ZBTB44: variants seen among roughly 807,000 people sequenced by gnomAD.
ZBTB44 encodes zinc finger and BTB domain-containing protein 44.
Under a neutral mutation model 54.0 loss-of-function variants are expected in ZBTB44, and 15 were observed. The observed-to-expected ratio is 0.28, with a 90% CI of 0.19 to 0.43. The LOEUF is 0.43. Ranked by LOEUF, ZBTB44 falls within the 20% of genes least tolerant of loss-of-function variation. The pLI is 1.00. For missense variants in ZBTB44, 487 were observed against 707.1 expected (o/e 0.69, Z 3.53); for synonymous variants, 230 against 250.1 (o/e 0.92, Z 0.76).
intron 1 of ZBTB44, among the ~76,000 whole-genome samples, chr11:130,313,936 GTT>G (rs1491213857): frequency 2.0e-4 from 18 of 91,230 alleles, no homozygotes; most frequent in African/African-American, 5.3e-4. Flanking sequence ...GTGTGTGTGT[GTT>G]TGTGTGTGTG....
intron 5 of ZBTB44, chr11:130,236,253 A>AT: frequency 7.8e-7 from 1 of 1,275,618 alleles, no homozygotes; most frequent in South Asian, 1.3e-5. Context: ...ATAAATTAAT[A>AT]TTACAAGAAT....
chr11:130,267,880 T>C (rs1296893423), intron 1 of ZBTB44, among the ~76,000 whole-genome samples: 2 of 150,442 alleles, frequency 1.3e-5, no homozygotes, highest in African/African-American at 2.5e-5. Flanking sequence ...GAGACCAACC[T>C]GGACAACATG....
At chr11:130,257,474 C>A (rs1342186050) in intron 2 of ZBTB44, among the ~76,000 whole-genome samples, 1 of 152,010 alleles carries the variant, frequency 6.6e-6, no homozygotes, top group African/African-American at 2.4e-5. Flanking sequence ...TATACTAAAG[C>A]ACAATATCAT....
intron 1 of ZBTB44, among the ~76,000 whole-genome samples, chr11:130,282,978 C>G (rs1441371299): frequency 6.6e-6 from 1 of 151,358 alleles, no homozygotes; most frequent in African/African-American, 2.4e-5. Flanking sequence ...GTGACTAGCT[C>G]CAATATTTTT....
At chr11:130,309,199 G>A (rs1942445485) in intron 1 of ZBTB44, among the ~76,000 whole-genome samples, 1 of 152,208 alleles carries the variant, frequency 6.6e-6, no homozygotes, top group African/African-American at 2.4e-5. Flanking sequence ...TCTGCCCGTT[G>A]CACCCTTGCA....
At chr11:130,278,230 T>C (rs1013706650) in intron 1 of ZBTB44, among the ~76,000 whole-genome samples, 1 of 152,208 alleles carries the variant, frequency 6.6e-6, no homozygotes, top group Non-Finnish European at 1.5e-5. Context: ...TAGCTTAAAG[T>C]GCTCAAAACA....
Position 130,234,205 on chromosome 11 carries a change from T to C in ZBTB44, c.1637A>G (p.Glu546Gly). Residue 546 changes from glutamate to glycine, a missense_variant, in exon 6 of 8, where the codon GAA becomes GGA. Glu to Gly is a moderately conservative substitution (Grantham distance 98). Around this residue, in one of 3 missense-constraint regions of ZBTB44, gnomAD observed 120 missense variants for 240.3 expected, o/e 0.50. Transcript: ENST00000357899. ...AGAGGAGTTGCTTTCAAAACCGTGT[T>C]CTCCAAGATCATATTGAACAAGGGT... ...EETLVQYDLG[E>G]HGFESNSSVQ... 3 of 1,522,078 alleles carry C rather than the reference T, an allele frequency of 2.0e-6. No homozygotes were observed. Among genetic ancestry groups the C allele is most frequent in the Non-Finnish European group, 1.8e-6 (2 of 1,135,528 alleles). The allele number at this position is 1,522,078 out of a possible 1,614,324, so 94.3% of individuals were successfully genotyped here.
intron 1 of ZBTB44, among the ~76,000 whole-genome samples, chr11:130,283,737 G>C (rs1165821962): frequency 6.6e-6 from 1 of 151,578 alleles, no homozygotes; most frequent in East Asian, 1.9e-4. Context: ...AGGCCGAGGT[G>C]GGTGGATCAC....
At chr11:130,275,862 G>T (rs1021937724) in intron 1 of ZBTB44, among the ~76,000 whole-genome samples, 1 of 151,966 alleles carries the variant, frequency 6.6e-6, no homozygotes, top group Non-Finnish European at 1.5e-5. Context: ...TCTTGGCCTC[G>T]TGATCGGCCC....
rs1369494409 is a variant in ZBTB44 at position 130,230,764 on chromosome 11, T to C, written c.*1000A>G. On this transcript the variant is annotated 3_prime_UTR_variant, in exon 8 of 8. Coordinates refer to ENST00000357899, the MANE Select transcript of ZBTB44 (RefSeq NM_001301098.2). ...CAATATTAATCTCTTTATTTCTGAATGAGATGAAATCACTGACATGTTTGA... is the reference window on the plus strand; with the variant it reads ...CAATATTAATCTCTTTATTTCTGAACGAGATGAAATCACTGACATGTTTGA... 6.6e-6 allele frequency: 1 copy of C among 152,080 alleles called. No homozygotes were observed. The highest frequency in any genetic ancestry group is 1.5e-5 in the Non-Finnish European group (1 of 67,938). 9.4% of individuals were successfully genotyped at this position (152,080 alleles called of 1,614,324 possible).
At chr11:130,262,123 T>C (rs946243731) in intron 1 of ZBTB44, among the ~76,000 whole-genome samples, 194 bp from the exon 2 acceptor site, 5 of 152,124 alleles carry the variant, frequency 3.3e-5, no homozygotes, top group Admixed American at 6.5e-5. Context: ...GTGAAGTCTG[T>C]GAACCAATGT....
chr11:130,277,380 T>C lies in ZBTB44; in HGVS notation c.-56-15451A>G, dbSNP rs189896373. ...GACAGACAAAAACATGACTACTATA[T>C]ATGTCAATTCCCTCCCCCATTTATA... On this transcript the variant is annotated intron_variant, in intron 1 of 7. Coordinates refer to ENST00000357899, the MANE Select transcript of ZBTB44 (RefSeq NM_001301098.2). Among the ~76,000 whole-genome samples, 29 of 152,338 alleles carry C rather than the reference T, an allele frequency of 1.9e-4. No homozygotes were observed. In the East Asian group the frequency reaches 4.6e-3, roughly 24 times the overall value.
intron 2 of ZBTB44, among the ~76,000 whole-genome samples, chr11:130,245,813 G>A (rs550036763): frequency 1.3e-5 from 2 of 152,308 alleles, no homozygotes; most frequent in East Asian, 3.9e-4. Flanking sequence ...GGTGAGGTGA[G>A]AATAAAAACC....
intron 1 of ZBTB44, among the ~76,000 whole-genome samples, chr11:130,277,302 T>G (rs539805786): frequency 4.9e-4 from 74 of 152,220 alleles, no homozygotes; most frequent in Non-Finnish European, 8.4e-4. Context: ...TTGCTCAAGG[T>G]TTTAGAATAT....
chr11:130,257,680 TTTG>T (rs772543457), intron 2 of ZBTB44, among the ~76,000 whole-genome samples: 4 of 152,182 alleles, frequency 2.6e-5, no homozygotes, highest in African/African-American at 4.8e-5. Flanking sequence ...TTTGCGGTAC[TTTG>T]TTGCAGCAGC....
chr11:130,240,041 A>ATTTTT (rs11449622), intron 2 of ZBTB44, 145 bp from the exon 3 acceptor site: 28 of 321,750 alleles, frequency 8.7e-5, no homozygotes, highest in Non-Finnish European at 1.3e-4. Flanking sequence ...AGTGTTCTAC[A>ATTTTT]TTTTTTTTTT....
intron 2 of ZBTB44, among the ~76,000 whole-genome samples, chr11:130,246,780 G>A (rs1591946613): frequency 6.6e-6 from 1 of 152,188 alleles, no homozygotes; most frequent in African/African-American, 2.4e-5. Flanking sequence ...TCATTTAGGG[G>A]TGGGGCCTGG....
intron 1 of ZBTB44, among the ~76,000 whole-genome samples, chr11:130,295,030 A>G (rs1045433330): frequency 6.6e-6 from 1 of 152,156 alleles, no homozygotes. Context: ...AGAACTGAGT[A>G]GCTGTACTGT....
rs71061377 is a variant in ZBTB44, at chr11:130,283,969, C to CAAAAAAAAAAAAAAAAAAAAAAAAAAAA, written c.-56-22068_-56-22041dup. 2.4e-4 allele frequency among the ~76,000 whole-genome samples: 11 copies of CAAAAAAAAAAAAAAAAAAAAAAAAAAAA among 45,174 alleles called. 1 individual carries two copies. The highest frequency in any genetic ancestry group is 9.2e-4 in the African/African-American group (8 of 8,730). The allele number at this position is 45,174 out of a possible 152,430, so 29.6% of individuals were successfully genotyped here. ...TGGGTGACAGAGTAAGACTCCATCT[C>CAAAAAAAAAAAAAAAAAAAAAAAAAAAA]AAAAAAAAAAAAAAAAAAAAAAAAA... is the stretch of plus-strand genomic sequence containing the variant. On this transcript the variant is annotated intron_variant, in intron 1 of 7. Coordinates refer to ENST00000357899, the MANE Select transcript of ZBTB44 (RefSeq NM_001301098.2).
Sources: allele counts gnomAD v4.1 joint callset (sites outside exome capture counted in the v4.1 genomes callset), GRCh38; gene constraint gnomAD v4.1.1; regional missense constraint gnomAD v4.1.1; transcripts MANE v1.5; gene names NCBI Gene and HGNC (gene_info 2026-07-23, HGNC 2026-07-21).